Variants in SDK1 observed in about 807,000 individuals in gnomAD.
SDK1 encodes the protein sidekick cell adhesion molecule 1.
A neutral mutation model predicts 245.5 loss-of-function variants in SDK1; 157 were observed. The ratio of observed to expected loss-of-function variants is 0.64; its 90% CI spans 0.56 to 0.73. The LOEUF is 0.73. Among genes scored for constraint, SDK1 ranks in the 30% least tolerant of loss-of-function variants. SDK1 has a pLI of 0.00. For synonymous variants in SDK1, 1,647 were observed against 1,278.5 expected, an observed-to-expected ratio of 1.29 and a Z score of -6.15; for missense variants, 3,583 against 3,002.3, an observed-to-expected ratio of 1.19 and a Z score of -4.52.
chr7:4,264,490 T>A (rs1788314333), intron 44 of SDK1, among the ~76,000 whole-genome samples: 1 of 85,188 alleles, frequency 1.2e-5, no homozygotes, highest in African/African-American at 3.6e-5. Context: ...GGACCTCTCC[T>A]GAGTGAGGGA....
intron 5 of SDK1, among the ~76,000 whole-genome samples, chr7:3,869,896 GAA>G (rs1280142145): frequency 1.3e-5 from 2 of 152,156 alleles, no homozygotes; most frequent in African/African-American, 4.8e-5. Flanking sequence ...GGTAGGAAAA[GAA>G]AATGCTGTTG....
chr7:4,225,413 G>A (rs1030737973), intron 40 of SDK1, among the ~76,000 whole-genome samples: 14 of 152,188 alleles, frequency 9.2e-5, no homozygotes, highest in East Asian at 1.9e-4. Context: ...GTGGGAGAGC[G>A]GCCTGTGGGA....
chr7:3,341,168 C>T (rs180988680), intron 1 of SDK1, among the ~76,000 whole-genome samples: 13 of 152,060 alleles, frequency 8.5e-5, no homozygotes, highest in African/African-American at 2.9e-4. Flanking sequence ...AAATATTTAA[C>T]ATGACCAAAT....
At chr7:3,790,354 T>G (rs1363314159) in intron 4 of SDK1, among the ~76,000 whole-genome samples, 4 of 152,040 alleles carry the variant, frequency 2.6e-5, no homozygotes, top group Non-Finnish European at 5.9e-5. Flanking sequence ...CGCCCTCCAG[T>G]CTCCTGTGGC....
chr7:3,336,976 A>T (rs1780217706), intron 1 of SDK1, among the ~76,000 whole-genome samples: 1 of 152,150 alleles, frequency 6.6e-6, no homozygotes, highest in South Asian at 2.1e-4. Context: ...ATTAAATTTG[A>T]TCTGGGGTCT....
chr7:3,506,918 G>T (rs1782412766), intron 1 of SDK1, among the ~76,000 whole-genome samples: 2 of 150,570 alleles, frequency 1.3e-5, no homozygotes, highest in South Asian at 4.2e-4. Context: ...TGCTATATCT[G>T]TTTATATAGT....
chr7:3,604,597 CTTTTCT>C (rs1277042201), intron 1 of SDK1, among the ~76,000 whole-genome samples: 28 of 131,206 alleles, frequency 2.1e-4, no homozygotes, highest in Admixed American at 1.7e-4. Context: ...TTTTTCTTTT[CTTTTCT>C]TTTTTTTTTT....
chr7:3,499,025 T>A (rs1195201032), intron 1 of SDK1, among the ~76,000 whole-genome samples: 1 of 152,228 alleles, frequency 6.6e-6, no homozygotes, highest in Non-Finnish European at 1.5e-5. Flanking sequence ...AATTTTGTTT[T>A]ATACTTTGTG....
In SDK1 at chr7:3,642,079, G is replaced by T; in HGVS notation, c.687G>T (p.Gly229=). The T allele has an allele frequency of 6.2e-7, 1 of 1,614,060 alleles. No homozygotes were observed. The highest frequency in any genetic ancestry group is 8.5e-7 in the Non-Finnish European group (1 of 1,179,980). ...PRPQVTWFRE[G]HKIIPSNRIA... is the part of the protein sequence containing the mutation. Reference sequence around the variant, plus strand: ...CTCAAGTGACTTGGTTTAGAGAAGGGCACAAGATTATTCCAAGCAACAGAA... The same window carrying T: ...CTCAAGTGACTTGGTTTAGAGAAGGTCACAAGATTATTCCAAGCAACAGAA... The change falls in exon 4 of 45, where the codon GGG becomes GGT. Residue 229 remains glycine, a synonymous_variant. Coordinates refer to ENST00000404826, the MANE Select transcript of SDK1 (RefSeq NM_152744.4).
At chr7:3,926,579 A>C (rs1483379120) in intron 5 of SDK1, among the ~76,000 whole-genome samples, 1 of 151,958 alleles carries the variant, frequency 6.6e-6, no homozygotes, top group East Asian at 1.9e-4. Flanking sequence ...CTTCTGCCTC[A>C]GGCTCCCCAG....
At chr7:3,608,185 A>G (rs1399432882) in intron 1 of SDK1, among the ~76,000 whole-genome samples, 1 of 152,232 alleles carries the variant, frequency 6.6e-6, no homozygotes, top group African/African-American at 2.4e-5. Flanking sequence ...AGTAGTAAAA[A>G]TTATTAATTC....
At chr7:3,657,101 G>C (rs962607626) in intron 4 of SDK1, among the ~76,000 whole-genome samples, 1 of 152,284 alleles carries the variant, frequency 6.6e-6, no homozygotes, top group East Asian at 1.9e-4. Flanking sequence ...GGAGGAGGGG[G>C]AAAGCTGCCG....
intron 30 of SDK1, among the ~76,000 whole-genome samples, chr7:4,153,917 G>C (rs564392536): frequency 8.3e-4 from 126 of 152,096 alleles, no homozygotes; most frequent in African/African-American, 3.0e-3. Flanking sequence ...CTGGCCTCAA[G>C]TGATCCTCTC....
intron 4 of SDK1, among the ~76,000 whole-genome samples, chr7:3,772,596 A>G (rs568415592): frequency 1.3e-5 from 2 of 152,350 alleles, no homozygotes; most frequent in Non-Finnish European, 2.9e-5. Context: ...TATAGAAAAA[A>G]GTGGAGTTAC....
chr7:3,351,505 C>A (rs958608629), intron 1 of SDK1, among the ~76,000 whole-genome samples: 4 of 151,994 alleles, frequency 2.6e-5, no homozygotes, highest in Non-Finnish European at 4.4e-5. Context: ...CTAAAAGACA[C>A]GTCAGATTGG....
intron 4 of SDK1, among the ~76,000 whole-genome samples, chr7:3,657,556 C>A (rs1783226346): frequency 6.6e-6 from 1 of 152,124 alleles, no homozygotes; most frequent in Admixed American, 6.5e-5. Context: ...TCTCTCGTCA[C>A]TTTCTGCCTG....
chr7:3,952,438 C>T (rs939658781), intron 7 of SDK1, among the ~76,000 whole-genome samples: 1 of 152,126 alleles, frequency 6.6e-6, no homozygotes, highest in Admixed American at 6.5e-5. Context: ...CAAACATCAG[C>T]TGGGCGCAGT....
intron 4 of SDK1, among the ~76,000 whole-genome samples, chr7:3,651,709 A>G (rs1306244030): frequency 6.6e-6 from 1 of 152,216 alleles, no homozygotes; most frequent in Non-Finnish European, 1.5e-5. Context: ...AAGTAAATCC[A>G]AATCTATACA....
At chr7:4,005,865 T>C (rs956702206) in intron 14 of SDK1, among the ~76,000 whole-genome samples, 19 of 152,216 alleles carry the variant, frequency 1.2e-4, no homozygotes, top group Admixed American at 1.0e-3. Context: ...ATCCCGTCTC[T>C]ACAAAAAATA....
Sources: allele counts gnomAD v4.1 joint callset (sites outside exome capture counted in the v4.1 genomes callset), GRCh38; gene constraint gnomAD v4.1.1; transcripts MANE v1.5; gene names NCBI Gene and HGNC (gene_info 2026-07-23, HGNC 2026-07-21).